The following TMPRSS3 variants were observed in gnomAD, a reference collection of about 807,000 sequenced individuals.
TMPRSS3 encodes transmembrane protease serine 3.
TMPRSS3 carries 55 observed loss-of-function variants against 59.6 expected under a neutral mutation model. The observed-to-expected ratio is 0.92, with a 90% CI of 0.74 to 1.16. The LOEUF is 1.16. Ranked by LOEUF, TMPRSS3 falls within the 50% of genes most tolerant of loss-of-function variation. TMPRSS3 has a pLI of 0.00. For missense variants in TMPRSS3, 596 were observed against 579.4 expected, an observed-to-expected ratio of 1.03 and a Z score of -0.29; for synonymous variants, 257 against 237.7, an observed-to-expected ratio of 1.08 and a Z score of -0.75.
Position 42,388,662 on chromosome 21 carries a change from A to C in TMPRSS3, c.323-136T>G. On this transcript the variant is annotated intron_variant, in intron 4 of 12. Coordinates refer to ENST00000644384, the MANE Select transcript of TMPRSS3 (RefSeq NM_001256317.3). This position sits in a 1 kb window ranked among gnomAD's most constrained non-coding sequence, Gnocchi z 5.1. ...ACTTCTTGTCCACGGCAGCCTCCCCATCACAGAGCAGTGACTCTGGATCCC... is the reference window on the plus strand; with the variant it reads ...ACTTCTTGTCCACGGCAGCCTCCCCCTCACAGAGCAGTGACTCTGGATCCC... The C allele has an allele frequency of 7.9e-7, 1 of 1,258,402 alleles. No homozygotes were observed. Among genetic ancestry groups the C allele is most frequent in the Non-Finnish European group, 1.1e-6 (1 of 874,668 alleles). 78.0% of individuals were successfully genotyped at this position (1,258,402 alleles called of 1,614,324 possible).
Position 42,388,910 on chromosome 21 carries a change from G to C in TMPRSS3, c.322+19C>G. The stretch of plus-strand genomic sequence containing the variant: ...TGCTGCTTCCTTCTGTTTCCCCAGG[G>C]GAAGAGCCATGACCTTACCACAGCG... On this transcript the variant is annotated intron_variant, in intron 4 of 12. Coordinates refer to ENST00000644384, the MANE Select transcript of TMPRSS3 (RefSeq NM_001256317.3). The surrounding 1 kb of genome is among the most constrained non-coding windows in gnomAD (Gnocchi z 5.1). The C allele has an allele frequency of 6.2e-7, 1 of 1,606,260 alleles. No homozygotes were observed. The highest frequency in any genetic ancestry group is 8.5e-7 in the Non-Finnish European group (1 of 1,173,102).
intron 9 of TMPRSS3, 71 bp downstream of exon 9, chr21:42,381,994 T>C (rs770048737): frequency 1.9e-6 from 3 of 1,587,582 alleles, no homozygotes; most frequent in East Asian, 2.2e-5. Context: ...ATAAGAATGC[T>C]TCAATGAGCA....
At chr21:42,381,453 G>A (rs1317987552) in intron 9 of TMPRSS3, among the ~76,000 whole-genome samples, 1 of 152,208 alleles carries the variant, frequency 6.6e-6, no homozygotes, top group East Asian at 1.9e-4. Context: ...CCCTCTACCT[G>A]GAGAAACCAG....
At chr21:42,376,783 A>C in intron 10 of TMPRSS3, 100 bp from the exon 11 acceptor site, 7 of 1,562,632 alleles carry the variant, frequency 4.5e-6, no homozygotes, top group Non-Finnish European at 6.1e-6. Context: ...ACGAGGGACG[A>C]GGGGGATGCT....
chr21:42,379,445 G>A (rs2052482393), intron 10 of TMPRSS3, among the ~76,000 whole-genome samples: 1 of 152,310 alleles, frequency 6.6e-6, no homozygotes, highest in African/African-American at 2.4e-5. Context: ...CTACAGGTGT[G>A]AGGGAACACA....
intron 10 of TMPRSS3, 132 bp from the exon 11 acceptor site, chr21:42,376,815 G>GA: frequency 4.4e-6 from 6 of 1,374,166 alleles, no homozygotes; most frequent in Non-Finnish European, 6.1e-6. Flanking sequence ...CGCAACAGCG[G>GA]AAAAGGACAG....
intron 2 of TMPRSS3, chr21:42,390,367 A>G: frequency 2.9e-6 from 1 of 342,900 alleles, no homozygotes; most frequent in Admixed American, 4.0e-5. Context: ...GAGTCTTTAC[A>G]GAGTCATCTA....
intron 10 of TMPRSS3, among the ~76,000 whole-genome samples, chr21:42,378,467 G>A (rs1225281455): frequency 3.3e-5 from 5 of 152,206 alleles, no homozygotes; most frequent in East Asian, 3.8e-4. Context: ...AGCGTTTAGG[G>A]TGGACCCTAA....
intron 10 of TMPRSS3, 96 bp from the exon 11 acceptor site, chr21:42,376,779 G>A: frequency 1.3e-6 from 2 of 1,572,800 alleles, no homozygotes; most frequent in East Asian, 2.2e-5. Context: ...GGGAACGAGG[G>A]ACGAGGGGGA....
chr21:42,390,114 T>C, intron 2 of TMPRSS3, 77 bp from the exon 3 acceptor site: 2 of 1,104,442 alleles, frequency 1.8e-6, no homozygotes, highest in Non-Finnish European at 2.7e-6. Context: ...AATTTAACTA[T>C]CCTTTCCCCC....
intron 12 of TMPRSS3, among the ~76,000 whole-genome samples, chr21:42,373,116 G>C (rs1257393499): frequency 6.6e-6 from 1 of 152,166 alleles, no homozygotes; most frequent in African/African-American, 2.4e-5. Context: ...AGAGAAAAGT[G>C]CTGGATGAAA....
Position 42,380,205 on chromosome 21 carries a change from G to A in TMPRSS3, c.960C>T (p.Ile320=), listed in dbSNP as rs117766615. 3.1e-5 allele frequency: 50 copies of A among 1,613,694 alleles called. No homozygotes were observed. Among genetic ancestry groups the A allele is most frequent in the Non-Finnish European group, 4.1e-5 (48 of 1,179,678 alleles). ...CAGAGTTGGGCAGGCACACAGGCTG[G>A]ATCATTTCTGCTTGAAGGGAAACAA... The part of the protein sequence containing the change: ...LAGPLTFNEM[I]QPVCLPNSEE... The change falls in exon 10 of 13, where the codon ATC becomes ATT. Residue 320 remains isoleucine (I), a synonymous_variant. Transcript: ENST00000644384.
At chr21:42,395,669 C>CAAAAAA (rs138713556) in intron 1 of TMPRSS3, 42 of 243,564 alleles carry the variant, frequency 1.7e-4, no homozygotes, top group African/African-American at 6.1e-4. Context: ...CTAGAATTAG[C>CAAAAAA]AAAAAAAAAA....
At chr21:42,378,245 A>G (rs1322260882) in intron 10 of TMPRSS3, among the ~76,000 whole-genome samples, 1 of 152,234 alleles carries the variant, frequency 6.6e-6, no homozygotes, top group African/African-American at 2.4e-5. Context: ...GTAGGCCCAC[A>G]GACTCGAAGC....
intron 2 of TMPRSS3, among the ~76,000 whole-genome samples, chr21:42,394,185 G>A (rs915441266): frequency 1.3e-5 from 2 of 151,762 alleles, no homozygotes; most frequent in Non-Finnish European, 2.9e-5. Context: ...CTTAGTCATA[G>A]CAAAATAATC....
chr21:42,381,123 TA>T (rs2052522013), intron 9 of TMPRSS3, among the ~76,000 whole-genome samples: 1 of 151,986 alleles, frequency 6.6e-6, no homozygotes, highest in Non-Finnish European at 1.5e-5. Context: ...TTAACCTATT[TA>T]TTATGCTTTC....
chr21:42,380,165 CG>C lies in TMPRSS3; in HGVS notation c.999del (p.Asp334MetfsTer23), dbSNP rs748150602. The C allele has an allele frequency of 5.6e-6, 9 of 1,614,150 alleles. No individual in the cohort carries two copies. The highest frequency in any genetic ancestry group is 6.8e-6 in the Non-Finnish European group (8 of 1,180,014). On this transcript the variant is annotated frameshift_variant, in exon 10 of 13. Coordinates refer to ENST00000644384, the MANE Select transcript of TMPRSS3 (RefSeq NM_001256317.3). LOFTEE classifies it high-confidence loss of function. ...VCLPNSEENF[P>X]DGKVCWTSGW... The stretch of plus-strand genomic sequence containing the variant: ...CCTGACGTCCAGCACACTTTTCCAT[CG>C]GGGAAGTTCTCTTCAGAGTTGGGCA...
chr21:42,378,954 G>A (rs1049220291), intron 10 of TMPRSS3, among the ~76,000 whole-genome samples: 16 of 151,996 alleles, frequency 1.1e-4, no homozygotes, highest in African/African-American at 2.9e-4. Flanking sequence ...GCATGATCTC[G>A]GCTCACTGCA....
At chr21:42,380,326 G>T (rs368100991) in intron 9 of TMPRSS3, 114 bp from the exon 10 acceptor site, 9 of 862,576 alleles carry the variant, frequency 1.0e-5, no homozygotes, top group East Asian at 7.9e-5. Context: ...GGGAAGGAAG[G>T]TCAAGCCCTT....
Sources: gnomAD v4.1 joint callset for allele counts (sites outside exome capture counted in the v4.1 genomes callset) on GRCh38, gnomAD v4.1.1 for gene constraint, Gnocchi (gnomAD v3.1) non-coding constraint, MANE v1.5 for transcripts, NCBI Gene and HGNC (gene_info 2026-07-23, HGNC 2026-07-21) for gene names.